Variants in PEDS1 observed in about 807,000 individuals in gnomAD.
The protein encoded by PEDS1 is CarF homolog.
In PEDS1, 14 loss-of-function variants were observed where a neutral mutation model predicts 35.2. The ratio of observed to expected loss-of-function variants is 0.40; its 90% CI spans 0.26 to 0.62. The LOEUF is 0.62. Among genes scored for constraint, PEDS1 ranks in the 20% least tolerant of loss-of-function variants. The pLI is 0.44. For synonymous variants in PEDS1, 152 were observed against 152.0 expected, an observed-to-expected ratio of 1.00 and a Z score of 0.00; for missense variants, 260 against 367.8, an observed-to-expected ratio of 0.71 and a Z score of 2.40.
chr20:50,127,937 G>A (rs1253030854), intron 5 of PEDS1, 38 bp downstream of exon 5: 3 of 1,600,308 alleles, frequency 1.9e-6, no homozygotes, highest in South Asian at 2.2e-5. Flanking sequence ...CAGTGGCTGG[G>A]GTGGGGAAAG....
At chr20:50,143,401 C>T in intron 2 of PEDS1, 101 bp downstream of exon 2, 1 of 1,512,828 alleles carries the variant, frequency 6.6e-7, no homozygotes. Context: ...TGGACTCAAG[C>T]ACACACATCC....
At chr20:50,144,067 G>A (rs1056298449) in intron 1 of PEDS1, among the ~76,000 whole-genome samples, 1 of 152,094 alleles carries the variant, frequency 6.6e-6, no homozygotes, top group Non-Finnish European at 1.5e-5. Flanking sequence ...CTCCCGCAAA[G>A]GAGTCTGTAC....
rs1353337586 is a variant in PEDS1 at position 50,120,294 on chromosome 20, A to AACAAACAAACAAACAG, written c.*4763_*4764insCTGTTTGTTTGTTTGT. The AACAAACAAACAAACAG allele has an allele frequency of 4.6e-5, 10 of 217,992 alleles. No individual in the cohort carries two copies. Among genetic ancestry groups the AACAAACAAACAAACAG allele is most frequent in the Middle Eastern group, 1.8e-3 (1 of 550 alleles). 13.5% of individuals were successfully genotyped at this position (217,992 alleles called of 1,614,324 possible). ...AAACAAACAAACAAACAAACAAACA[A>AACAAACAAACAAACAG]ACAACCCACAAAAGCTTCTGAGCTA... On this transcript the variant is annotated 3_prime_UTR_variant, in exon 6 of 6. Coordinates refer to ENST00000371652, the MANE Select transcript of PEDS1 (RefSeq NM_199129.4).
At chr20:50,127,329 C>T (rs531317529) in intron 5 of PEDS1, among the ~76,000 whole-genome samples, 2 of 148,498 alleles carry the variant, frequency 1.3e-5, no homozygotes, top group East Asian at 2.0e-4. Flanking sequence ...GGCAAGGATC[C>T]GTGTTTTCTG....
rs2081022632 is a variant in PEDS1 at position 50,118,479 on chromosome 20, A to G, written c.*6579T>C. The G allele has an allele frequency of 6.6e-6, 1 of 152,230 alleles. No homozygotes were observed. The highest frequency in any genetic ancestry group is 1.5e-5 in the Non-Finnish European group (1 of 68,050). 9.4% of individuals were successfully genotyped at this position (152,230 alleles called of 1,614,324 possible). A position where few individuals can be genotyped will look rare whatever the true frequency, so the allele number is the denominator to read the frequency against. On this transcript the variant is annotated 3_prime_UTR_variant, in exon 6 of 6. Transcript: ENST00000371652. ...GATTTGAACCCTACACTCTTAACCA[A>G]TGCTACCCTCCCTTCCAAGAAAAAT...
chr20:50,138,032 A>C (rs1178740109), intron 2 of PEDS1, among the ~76,000 whole-genome samples: 1 of 152,220 alleles, frequency 6.6e-6, no homozygotes. Context: ...ATAATGTATC[A>C]ACACTGGCAC....
chr20:50,140,732 C>T (rs1054320898), intron 2 of PEDS1, among the ~76,000 whole-genome samples: 7 of 152,202 alleles, frequency 4.6e-5, no homozygotes, highest in African/African-American at 1.7e-4. Flanking sequence ...GACATCTTTT[C>T]GTGCTTCTGC....
chr20:50,143,728 C>T, intron 1 of PEDS1, 107 bp from the exon 2 acceptor site: 1 of 1,480,394 alleles, frequency 6.8e-7, no homozygotes, highest in Non-Finnish European at 9.0e-7. Flanking sequence ...GACAGAGTCT[C>T]ACTCTATCAC....
At chr20:50,148,696 CT>C (rs2081370791) in intron 1 of PEDS1, among the ~76,000 whole-genome samples, 1 of 152,078 alleles carries the variant, frequency 6.6e-6, no homozygotes, top group Non-Finnish European at 1.5e-5. Flanking sequence ...GACCCCTGGC[CT>C]CCAGCAGACC....
intron 3 of PEDS1, among the ~76,000 whole-genome samples, chr20:50,130,430 T>G (rs1310069554): frequency 6.6e-6 from 1 of 152,232 alleles, no homozygotes; most frequent in Non-Finnish European, 1.5e-5. Flanking sequence ...TCCTACTGGA[T>G]GCAGCCATTC....
rs146109958 is a variant in PEDS1 at position 50,146,349 on chromosome 20, C to T, written c.122-2728G>A. Among the ~76,000 whole-genome samples the T allele has an allele frequency of 1.8e-4, 28 of 152,232 alleles. No individual in the cohort carries two copies. The East Asian group carries it at 5.0e-3, about 27-fold the overall frequency. Reference sequence around the variant, plus strand: ...TTGCTCATGCCTGTGGCCTTGTCTACGTTTGTCTTTCCCTACCTAAATGTG... The same window carrying T: ...TTGCTCATGCCTGTGGCCTTGTCTATGTTTGTCTTTCCCTACCTAAATGTG... On this transcript the variant is annotated intron_variant, in intron 1 of 5. Transcript: ENST00000371652.
intron 2 of PEDS1, among the ~76,000 whole-genome samples, chr20:50,133,370 G>A (rs748813022): frequency 6.6e-6 from 1 of 152,156 alleles, no homozygotes; most frequent in Non-Finnish European, 1.5e-5. Context: ...GGGCAGGTGG[G>A]GACAGGTGGC....
rs761503001 is a variant in PEDS1 at position 50,128,200 on chromosome 20, G to C, written c.479-13C>G. ...TGCTCCAGGGCTTCTGCAGGTTGGG[G>C]AGAGGGGGGGCCGGCACAGCTGTCA... is the stretch of plus-strand genomic sequence containing the variant. On this transcript the variant is annotated splice_polypyrimidine_tract_variant and intron_variant, in intron 4 of 5. Coordinates refer to ENST00000371652, the MANE Select transcript of PEDS1 (RefSeq NM_199129.4). The surrounding 1 kb of genome is among the most constrained non-coding windows in gnomAD (Gnocchi z 5.2). 1 of 1,613,700 alleles carries C rather than the reference G, an allele frequency of 6.2e-7. No individual in the cohort carries two copies. The highest frequency in any genetic ancestry group is 1.7e-5 in the Admixed American group (1 of 60,000).
chr20:50,141,364 A>G (rs1416231253), intron 2 of PEDS1, among the ~76,000 whole-genome samples: 1 of 152,224 alleles, frequency 6.6e-6, no homozygotes, highest in African/African-American at 2.4e-5. Flanking sequence ...CTCACAAAAC[A>G]TCCGTGATTA....
Position 50,130,961 on chromosome 20 carries a change from G to A in PEDS1, c.242-14C>T, listed in dbSNP as rs758215225. The A allele has an allele frequency of 1.9e-6, 3 of 1,614,024 alleles. No individual in the cohort carries two copies. The highest frequency in any genetic ancestry group is 4.5e-5 in the East Asian group (2 of 44,902). On this transcript the variant is annotated splice_polypyrimidine_tract_variant and intron_variant, in intron 2 of 5. Coordinates refer to ENST00000371652, the MANE Select transcript of PEDS1 (RefSeq NM_199129.4). ...GAGCCCCTGCAACTGTGGACAAGAG[G>A]GTGAGTGAAGGGACATCCCTGCACC... is the stretch of plus-strand genomic sequence containing the variant.
At chr20:50,153,405 C>G in intron 1 of PEDS1, 112 bp downstream of exon 1, 1 of 1,229,164 alleles carries the variant, frequency 8.1e-7, no homozygotes, top group Non-Finnish European at 1.0e-6. Flanking sequence ...GCAAGTTAGA[C>G]ACCCGGGCTG....
chr20:50,150,616 G>T (rs765543412), intron 1 of PEDS1, among the ~76,000 whole-genome samples: 1 of 152,148 alleles, frequency 6.6e-6, no homozygotes, highest in Non-Finnish European at 1.5e-5. Context: ...CACAGCGCTT[G>T]CCACCACTGG....
At position 50,128,339 on chromosome 20, in the gene PEDS1, C is replaced by G; in HGVS notation, c.479-152G>C. ...CCCCCTGCAGGGCCGCAGGCAAGCT[C>G]AGGTGCTGCCCTGGGCTTCAGGCTT... On this transcript the variant is annotated intron_variant, in intron 4 of 5. Coordinates refer to ENST00000371652, the MANE Select transcript of PEDS1 (RefSeq NM_199129.4). This position sits in a 1 kb window ranked among gnomAD's most constrained non-coding sequence, Gnocchi z 5.2. 1.1e-6 allele frequency: 1 copy of G among 923,722 alleles called. No individual in the cohort carries two copies. 57.2% of individuals were successfully genotyped at this position (923,722 alleles called of 1,614,324 possible).
chr20:50,143,134 GGAA>G (rs1200537904), intron 2 of PEDS1, among the ~76,000 whole-genome samples: 1 of 152,172 alleles, frequency 6.6e-6, no homozygotes, highest in Non-Finnish European at 1.5e-5. Context: ...AGGGAGACCA[GGAA>G]GAAGGCTCCT....
Sources: allele counts gnomAD v4.1 joint callset (sites outside exome capture counted in the v4.1 genomes callset), GRCh38; gene constraint gnomAD v4.1.1; non-coding constraint Gnocchi (gnomAD v3.1); transcripts MANE v1.5; gene names NCBI Gene and HGNC (gene_info 2026-07-23, HGNC 2026-07-21).